WNK1: variants seen among roughly 807,000 people sequenced by gnomAD.
WNK1 encodes the protein serine/threonine-protein kinase WNK1.
WNK1 carries 38 observed loss-of-function variants against 222.8 expected under a neutral mutation model. That is an observed-to-expected ratio of 0.17 (90% confidence interval 0.13 to 0.22). The LOEUF (loss-of-function observed/expected upper bound fraction) is 0.22, where lower values mean the gene tolerates loss of function less well. Among genes scored for constraint, WNK1 ranks in the 10% least tolerant of loss-of-function variants. The probability of loss-of-function intolerance (pLI) is 1.00; values close to 1 mark genes in which losing one functional copy is unlikely to be tolerated. For missense variants in WNK1, 2,348 were observed against 2,918.4 expected (o/e 0.80, Z 4.50); for synonymous variants, 1,090 against 1,092.9 (o/e 1.00, Z 0.05).
rs1939425359 is a variant in WNK1 at position 752,959 on chromosome 12, G to C, written c.-607G>C. ...CCTCTGGGCGATGGGCGACCTGTGA[G>C]GCCGGTCCCCATCGCTGGGGGCGCG... On this transcript the variant is annotated 5_prime_UTR_variant, in exon 1 of 28. Coordinates refer to ENST00000315939, the MANE Select transcript of WNK1 (RefSeq NM_018979.4). 6.6e-6 allele frequency: 1 copy of C among 152,116 alleles called. No homozygotes were observed. Among genetic ancestry groups the C allele is most frequent in the East Asian group, 1.9e-4 (1 of 5,184 alleles). 9.4% of individuals were successfully genotyped at this position (152,116 alleles called of 1,614,324 possible).
chr12:830,344 G>C (rs1388777095), intron 4 of WNK1, among the ~76,000 whole-genome samples, 184 bp downstream of exon 4: 4 of 152,076 alleles, frequency 2.6e-5, no homozygotes, highest in Non-Finnish European at 5.9e-5. Context: ...GAAAGATAAA[G>C]ATCAAAGAAC....
intron 4 of WNK1, among the ~76,000 whole-genome samples, chr12:854,593 C>G (rs1950642455): frequency 6.6e-6 from 1 of 152,042 alleles, no homozygotes; most frequent in African/African-American, 2.4e-5. Context: ...GGTGATCCAC[C>G]TGCCTCGGCC....
At chr12:845,225 A>T (rs1325394248) in intron 4 of WNK1, among the ~76,000 whole-genome samples, 1 of 152,168 alleles carries the variant, frequency 6.6e-6, no homozygotes, top group Admixed American at 6.5e-5. Flanking sequence ...CTTGCAATTT[A>T]AATTTTTAGT....
Position 909,171 on chromosome 12 carries a change from T to C in WNK1, c.*379T>C. The C allele has an allele frequency of 3.9e-6, 1 of 256,796 alleles. No individual in the cohort carries two copies. Among genetic ancestry groups the C allele is most frequent in the Non-Finnish European group, 7.7e-6 (1 of 130,586 alleles). 15.9% of individuals were successfully genotyped at this position (256,796 alleles called of 1,614,324 possible). A position where few individuals can be genotyped will look rare whatever the true frequency, so the allele number is the denominator to read the frequency against. On this transcript the variant is annotated 3_prime_UTR_variant, in exon 28 of 28. Coordinates refer to ENST00000315939, the MANE Select transcript of WNK1 (RefSeq NM_018979.4). Reference sequence around the variant, plus strand: ...GGGTGGAGCTCTTGCTTTTGGTACATGCCCTGAATCCCTCACTCCCTCAAG... The same window carrying C: ...GGGTGGAGCTCTTGCTTTTGGTACACGCCCTGAATCCCTCACTCCCTCAAG...
At chr12:892,418 G>A (rs1029787856) in intron 22 of WNK1, among the ~76,000 whole-genome samples, 3 of 152,270 alleles carry the variant, frequency 2.0e-5, no homozygotes, top group Admixed American at 1.3e-4. Context: ...TACAAAAACA[G>A]GCAGTAGGCT....
chr12:804,342 C>T (rs1946151618), intron 1 of WNK1, among the ~76,000 whole-genome samples: 1 of 152,026 alleles, frequency 6.6e-6, no homozygotes, highest in Admixed American at 6.6e-5. Flanking sequence ...AGTTTTGTGG[C>T]ATTAAGCACA....
chr12:878,171 T>C, intron 9 of WNK1, 41 bp from the exon 10 acceptor site: 1 of 1,613,386 alleles, frequency 6.2e-7, no homozygotes, highest in Non-Finnish European at 8.5e-7. Flanking sequence ...CATGCTGTTA[T>C]TGATTTGAAA....
intron 9 of WNK1, among the ~76,000 whole-genome samples, chr12:874,855 A>G (rs6489760): frequency 0.13 from 20,123 of 152,060 alleles, 1,599 homozygotes; most frequent in Middle Eastern, 0.22. Context: ...ATCTAATTCC[A>G]CAGCTCACCA....
At chr12:788,145 A>G (rs7298426) in intron 1 of WNK1, among the ~76,000 whole-genome samples, 1 of 151,790 alleles carries the variant, frequency 6.6e-6, no homozygotes, top group Non-Finnish European at 1.5e-5. Flanking sequence ...TCTCCTTTAC[A>G]TAAAGTCAGC....
intron 4 of WNK1, among the ~76,000 whole-genome samples, chr12:843,323 T>C (rs1401427596): frequency 6.6e-6 from 1 of 152,210 alleles, no homozygotes; most frequent in Non-Finnish European, 1.5e-5. Flanking sequence ...TTTTATTTAC[T>C]TGTGTTCTAT....
intron 1 of WNK1, among the ~76,000 whole-genome samples, chr12:785,040 T>A (rs1266343244): frequency 6.6e-6 from 1 of 152,194 alleles, no homozygotes; most frequent in Non-Finnish European, 1.5e-5. Flanking sequence ...TTGGAAATAA[T>A]TTATTTCAGA....
At chr12:852,766 G>A (rs542655600) in intron 4 of WNK1, among the ~76,000 whole-genome samples, 6 of 152,052 alleles carry the variant, frequency 3.9e-5, no homozygotes, top group African/African-American at 7.2e-5. Context: ...TCTTAAGAAC[G>A]AGAAACCTAT....
chr12:828,411 C>G (rs1948535746), intron 3 of WNK1, among the ~76,000 whole-genome samples: 1 of 152,158 alleles, frequency 6.6e-6, no homozygotes, highest in African/African-American at 2.4e-5. Flanking sequence ...TAGTCTCACT[C>G]TTCAGAATTT....
intron 4 of WNK1, among the ~76,000 whole-genome samples, chr12:847,869 T>A: frequency 7.0e-6 from 1 of 142,448 alleles, no homozygotes. Flanking sequence ...TGCAGTGGCA[T>A]GATCTTGGCT....
intron 24 of WNK1, among the ~76,000 whole-genome samples, 154 bp downstream of exon 24, chr12:896,886 CCACACACACACACA>C (rs34202153): frequency 0.011 from 1,536 of 134,578 alleles, 21 homozygotes; most frequent in Admixed American, 0.015. Context: ...TACCTCCCCA[CCACACACACACACA>C]CACACACACA....
chr12:777,154 T>G (rs1943200331), intron 1 of WNK1, among the ~76,000 whole-genome samples: 1 of 146,918 alleles, frequency 6.8e-6, no homozygotes, highest in Admixed American at 6.7e-5. Flanking sequence ...GAGGGATTTT[T>G]TTTGTTTTTT....
chr12:885,064 A>C lies in WNK1; in HGVS notation c.4260A>C (p.Ala1420=), dbSNP rs751920353. 4 of 1,614,222 alleles carry C rather than the reference A, an allele frequency of 2.5e-6. No homozygotes were observed. Among genetic ancestry groups the C allele is most frequent in the Non-Finnish European group, 3.4e-6 (4 of 1,180,030 alleles). The part of the protein sequence containing the change: ...SSVVSSITIP[A]VVSISTTSPS... ...TAGTTTCAAGTATCACAATACCTGC[A>C]GTTGTCTCAATATCTACTACATCCC... Residue 1420 remains alanine (A), a synonymous_variant, in exon 19 of 28, where the codon GCA becomes GCC. Transcript: ENST00000315939.
At chr12:804,912 A>ACTTTTATATTT (rs1565454792) in intron 1 of WNK1, among the ~76,000 whole-genome samples, 1 of 146,978 alleles carries the variant, frequency 6.8e-6, no homozygotes, top group Non-Finnish European at 1.5e-5. Context: ...TTTATATTTT[A>ACTTTTATATTT]TATATATAAT....
At chr12:890,385 G>A in intron 21 of WNK1, 68 bp from the exon 22 acceptor site, 2 of 1,558,666 alleles carry the variant, frequency 1.3e-6, no homozygotes, top group Admixed American at 3.3e-5. Flanking sequence ...CATAGGAAAG[G>A]CAACGAGGCA....
Sources: gnomAD v4.1 joint callset for allele counts (sites outside exome capture counted in the v4.1 genomes callset) on GRCh38, gnomAD v4.1.1 for gene constraint, MANE v1.5 for transcripts, NCBI Gene and HGNC (gene_info 2026-07-23, HGNC 2026-07-21) for gene names.